The following BMPR1A variants were observed in gnomAD, a reference collection of about 807,000 sequenced individuals.
BMPR1A encodes bone morphogenetic protein receptor type-1A.
A neutral mutation model predicts 66.0 loss-of-function variants in BMPR1A; 7 were observed. The observed-to-expected ratio is 0.11, with a 90% CI of 0.06 to 0.20. The LOEUF is 0.20. Ranked by LOEUF, BMPR1A falls within the 10% of genes least tolerant of loss-of-function variation. The probability of loss-of-function intolerance (pLI) is 1.00; values close to 1 mark genes in which losing one functional copy is unlikely to be tolerated. For missense variants in BMPR1A, 408 were observed against 669.1 expected, an observed-to-expected ratio of 0.61 and a Z score of 4.31; for synonymous variants, 200 against 229.7, an observed-to-expected ratio of 0.87 and a Z score of 1.17.
Position 86,834,456 on chromosome 10 carries a change from T to C in BMPR1A, c.-267-4409T>C, listed in dbSNP as rs748660436. Among the ~76,000 whole-genome samples the C allele has an allele frequency of 1.1e-3, 169 of 152,358 alleles. 1 individual carries two copies. The highest frequency in any genetic ancestry group is 2.0e-3 in the Non-Finnish European group (136 of 68,032). ...TAAGAAACTTGTAGTTTGACATAGA[T>C]ACAAGCTTAAACAGAAGAGTGCTAT... On this transcript the variant is annotated intron_variant, in intron 1 of 12. Coordinates refer to ENST00000372037, the MANE Select transcript of BMPR1A (RefSeq NM_004329.3).
intron 4 of BMPR1A, among the ~76,000 whole-genome samples, 162 bp downstream of exon 4, chr10:86,890,386 C>G (rs938210200): frequency 6.6e-6 from 1 of 151,272 alleles, no homozygotes; most frequent in African/African-American, 2.4e-5. Context: ...GAACATTATT[C>G]CATTAAATGA....
At position 86,900,101 on chromosome 10, in the gene BMPR1A, A is replaced by C. The variant is rs878854668; in HGVS notation, c.505A>C (p.Ile169Leu). ...GGCTGTCTGCATAATTGCTATGATC[A>C]TCTTCTCCAGCTGCTTTTGTTACAA... ...SMAVCIIAMI[I>L]FSSCFCYKHY... Residue 169 changes from isoleucine to leucine, a missense_variant, in exon 7 of 13, where the codon ATC becomes CTC. By Grantham distance (5) the Ile-to-Leu change is conservative. Coordinates refer to ENST00000372037, the MANE Select transcript of BMPR1A (RefSeq NM_004329.3). The C allele has an allele frequency of 1.2e-6, 2 of 1,613,802 alleles. No homozygotes were observed. Among genetic ancestry groups the C allele is most frequent in the Admixed American group, 3.3e-5 (2 of 60,002 alleles).
chr10:86,769,392 C>G (rs1394578712), intron 1 of BMPR1A, among the ~76,000 whole-genome samples: 2 of 152,182 alleles, frequency 1.3e-5, no homozygotes, highest in African/African-American at 4.8e-5. Flanking sequence ...AGCAACTGCG[C>G]TTCAGCGTGG....
chr10:86,830,415 G>A (rs575655506), intron 1 of BMPR1A, among the ~76,000 whole-genome samples: 1 of 152,334 alleles, frequency 6.6e-6, no homozygotes, highest in East Asian at 1.9e-4. Context: ...GCAGTTGGTG[G>A]CTTACCTGTA....
intron 2 of BMPR1A, among the ~76,000 whole-genome samples, chr10:86,841,913 A>G (rs1475487728): frequency 2.0e-5 from 3 of 152,226 alleles, no homozygotes; most frequent in African/African-American, 7.2e-5. Flanking sequence ...GCTTCTGGAT[A>G]GCTGAACATG....
chr10:86,780,458 G>A (rs1488089177), intron 1 of BMPR1A, among the ~76,000 whole-genome samples: 1 of 150,968 alleles, frequency 6.6e-6, no homozygotes. Flanking sequence ...TTTTTGAGAC[G>A]GAGTCTTGCT....
In BMPR1A at chr10:86,860,960, G is replaced by C. The variant is rs1842705068; in HGVS notation, c.-152-14907G>C. On this transcript the variant is annotated intron_variant, in intron 2 of 12. Transcript: ENST00000372037. ...GGGTTCATGCCATTCTCCTGCCTCAGCCTCCCCAGTAGCTGGGACTACAGG... is the reference window on the plus strand; with the variant it reads ...GGGTTCATGCCATTCTCCTGCCTCACCCTCCCCAGTAGCTGGGACTACAGG... 2.7e-5 allele frequency among the ~76,000 whole-genome samples: 4 copies of C among 149,270 alleles called. No individual in the cohort carries two copies. In the South Asian group the frequency reaches 8.7e-4, roughly 33 times the overall value.
chr10:86,811,042 G>T (rs1841963035), intron 1 of BMPR1A, among the ~76,000 whole-genome samples: 1 of 152,006 alleles, frequency 6.6e-6, no homozygotes, highest in Admixed American at 6.6e-5. Context: ...TGGTTTTTTT[G>T]TTTGTTTGTT....
At chr10:86,878,023 A>G (rs1842941356) in intron 3 of BMPR1A, among the ~76,000 whole-genome samples, 1 of 152,230 alleles carries the variant, frequency 6.6e-6, no homozygotes, top group Non-Finnish European at 1.5e-5. Flanking sequence ...CTTTCAAAAA[A>G]TTATTTTGAT....
At position 86,918,941 on chromosome 10, in the gene BMPR1A, T is replaced by TTA. The variant is rs369510617; in HGVS notation, c.869-230_869-229insAT. On this transcript the variant is annotated intron_variant, in intron 9 of 12. Coordinates refer to ENST00000372037, the MANE Select transcript of BMPR1A (RefSeq NM_004329.3). ...ATATATGATCTTTTTCTTAATCCTATTCACTTTCATGATTATTAAGATTAT... is the reference window on the plus strand; with the variant it reads ...ATATATGATCTTTTTCTTAATCCTATTATCACTTTCATGATTATTAAGATTAT... Among the ~76,000 whole-genome samples the TTA allele has an allele frequency of 3.3e-3, 498 of 152,286 alleles. 2 individuals are homozygous for TTA. The highest frequency in any genetic ancestry group is 0.011 in the African/African-American group (462 of 41,562).
intron 1 of BMPR1A, among the ~76,000 whole-genome samples, chr10:86,833,376 G>C (rs1291640348): frequency 2.0e-5 from 3 of 152,170 alleles, no homozygotes; most frequent in South Asian, 2.1e-4. Flanking sequence ...GGTAAGAATG[G>C]AGGTGAGCTA....
At chr10:86,855,755 C>A in intron 2 of BMPR1A, 2 of 1,019,760 alleles carry the variant, frequency 2.0e-6, no homozygotes, top group Non-Finnish European at 2.9e-6. Flanking sequence ...TTTCATTATG[C>A]TTTTTTGGTG....
chr10:86,767,219 T>A (rs1841179825), intron 1 of BMPR1A, among the ~76,000 whole-genome samples: 1 of 152,216 alleles, frequency 6.6e-6, no homozygotes, highest in African/African-American at 2.4e-5. Flanking sequence ...AAACAAAAAA[T>A]TTTAAGTTTC....
At chr10:86,757,544 GA>G (rs555677932) in intron 1 of BMPR1A, among the ~76,000 whole-genome samples, 4 of 151,070 alleles carry the variant, frequency 2.6e-5, no homozygotes, top group Admixed American at 6.6e-5. Context: ...ATTTGGCAAG[GA>G]AAAAAAAATG....
chr10:86,811,152 C>T (rs1461579559), intron 1 of BMPR1A, among the ~76,000 whole-genome samples: 1 of 152,136 alleles, frequency 6.6e-6, no homozygotes, highest in African/African-American at 2.4e-5. Context: ...GATTCTTCTG[C>T]CTCAGCCTCC....
intron 2 of BMPR1A, chr10:86,843,406 G>T (rs1055687955): frequency 3.3e-5 from 5 of 152,244 alleles, no homozygotes; most frequent in African/African-American, 1.2e-4. Flanking sequence ...TATTCTACAG[G>T]ATATTACTTT....
At chr10:86,837,196 A>T (rs2133100898) in intron 1 of BMPR1A, among the ~76,000 whole-genome samples, 1 of 151,764 alleles carries the variant, frequency 6.6e-6, no homozygotes, top group Non-Finnish European at 1.5e-5. Context: ...TTTTATAATG[A>T]TACATTGGAA....
intron 5 of BMPR1A, among the ~76,000 whole-genome samples, chr10:86,895,358 C>T (rs906602213): frequency 6.6e-6 from 1 of 151,762 alleles, no homozygotes; most frequent in Admixed American, 6.6e-5. Context: ...ATCAACATGG[C>T]GACACCCCGT....
rs1373555567 is a variant in BMPR1A, at chr10:86,926,925, C to T, written c.*3206C>T. ...TAGGGTTTCCTTCAGTTTGTTTATT[C>T]TAAGCTTTTACTGTGCTTTTTACTG... On this transcript the variant is annotated 3_prime_UTR_variant, in exon 13 of 13. Coordinates refer to ENST00000372037, the MANE Select transcript of BMPR1A (RefSeq NM_004329.3). 3 of 191,804 alleles carry T rather than the reference C, an allele frequency of 1.6e-5. No homozygotes were observed. The highest frequency in any genetic ancestry group is 3.3e-5 in the Non-Finnish European group (3 of 91,844). The allele number at this position is 191,804 out of a possible 1,614,324, so 11.9% of individuals were successfully genotyped here.
Sources: gnomAD v4.1 joint callset for allele counts (sites outside exome capture counted in the v4.1 genomes callset) on GRCh38, gnomAD v4.1.1 for gene constraint, MANE v1.5 for transcripts, NCBI Gene and HGNC (gene_info 2026-07-23, HGNC 2026-07-21) for gene names.